PRKAR1B: variants seen among roughly 807,000 people sequenced by gnomAD.
PRKAR1B encodes cAMP-dependent protein kinase type I-beta regulatory subunit.
In PRKAR1B, 22 loss-of-function variants were observed where a neutral mutation model predicts 46.5. The observed-to-expected ratio is 0.47, with a 90% CI of 0.34 to 0.68. PRKAR1B has a LOEUF of 0.68. Ranked by LOEUF, PRKAR1B falls within the 30% of genes least tolerant of loss-of-function variation. The probability of loss-of-function intolerance (pLI) is 0.01; values close to 1 mark genes in which losing one functional copy is unlikely to be tolerated. For synonymous variants in PRKAR1B, 259 were observed against 217.7 expected, an observed-to-expected ratio of 1.19 and a Z score of -1.67; for missense variants, 445 against 535.6, an observed-to-expected ratio of 0.83 and a Z score of 1.67.
At chr7:561,991 C>T (rs1778831842) in intron 9 of PRKAR1B, 1 of 152,396 alleles carries the variant, frequency 6.6e-6, no homozygotes, top group Non-Finnish European at 1.5e-5. Context: ...GGGACCTACG[C>T]AGCTGCCATG....
In PRKAR1B at chr7:714,354, C is replaced by T. The variant is rs563737250; in HGVS notation, c.-22-2827G>A. ...TGATCCCGAGGCGCACACACAAGCC[C>T]TCCTTCTGCTGCAATACCTCCTCAG... On this transcript the variant is annotated intron_variant, in intron 1 of 10. Coordinates refer to ENST00000537384, the MANE Select transcript of PRKAR1B (RefSeq NM_001164760.2). The surrounding 1 kb of genome is among the most constrained non-coding windows in gnomAD (Gnocchi z 4.3). Among the ~76,000 whole-genome samples, 4 of 152,332 alleles carry T rather than the reference C, an allele frequency of 2.6e-5. No individual in the cohort carries two copies. The East Asian group carries it at 7.7e-4, about 29-fold the overall frequency.
intron 4 of PRKAR1B, among the ~76,000 whole-genome samples, chr7:620,980 T>C (rs1239532905): frequency 5.9e-5 from 9 of 152,270 alleles, no homozygotes; most frequent in Admixed American, 2.0e-4. Context: ...ATTTATGCAA[T>C]AGTTGTTGAG....
chr7:727,863 C>T (rs1781412610), upstream of PRKAR1B, among the ~76,000 whole-genome samples: 1 of 151,060 alleles, frequency 6.6e-6, no homozygotes, highest in Non-Finnish European at 1.5e-5. Flanking sequence ...CGCTTCTGTC[C>T]AGATACCTGG....
At chr7:649,472 T>C (rs1319192731) in intron 4 of PRKAR1B, among the ~76,000 whole-genome samples, 1 of 152,242 alleles carries the variant, frequency 6.6e-6, no homozygotes, top group Non-Finnish European at 1.5e-5. Context: ...ACATTTTTGG[T>C]AAGTAATTAT....
intron 4 of PRKAR1B, among the ~76,000 whole-genome samples, chr7:636,005 C>G (rs1470191968): frequency 1.2e-5 from 1 of 85,378 alleles, no homozygotes; most frequent in Non-Finnish European, 2.4e-5. Context: ...CTCCACCGGC[C>G]GCGCCCTCAC....
intron 4 of PRKAR1B, among the ~76,000 whole-genome samples, chr7:675,352 C>T (rs1402193218): frequency 6.6e-6 from 1 of 152,252 alleles, no homozygotes. Flanking sequence ...CCTGCAAACA[C>T]ACAGGGCGGC....
chr7:577,873 G>A (rs567619376), intron 9 of PRKAR1B, among the ~76,000 whole-genome samples: 18 of 152,334 alleles, frequency 1.2e-4, no homozygotes, highest in East Asian at 3.9e-4. Context: ...GCTCGGAGCC[G>A]CTCCCGCTAG....
chr7:593,083 G>T lies in PRKAR1B; in HGVS notation c.708+3063C>A, dbSNP rs955198279. Among the ~76,000 whole-genome samples, 1 of 152,164 alleles carries T rather than the reference G, an allele frequency of 6.6e-6. No individual in the cohort carries two copies. The highest frequency in any genetic ancestry group is 2.4e-5 in the African/African-American group (1 of 41,428). ...GTAAGAAAGAAAAAGCAAGTCTGGGGAGTGCTGGCCCCGGGCTGGGCCCCT... is the reference window on the plus strand; with the variant it reads ...GTAAGAAAGAAAAAGCAAGTCTGGGTAGTGCTGGCCCCGGGCTGGGCCCCT... On this transcript the variant is annotated intron_variant, in intron 7 of 10. Transcript: ENST00000537384. The surrounding 1 kb of genome is among the most constrained non-coding windows in gnomAD (Gnocchi z 6.1).
chr7:635,981 C>T (rs1313285687), intron 4 of PRKAR1B, among the ~76,000 whole-genome samples: 3 of 108,356 alleles, frequency 2.8e-5, no homozygotes, highest in African/African-American at 1.0e-4. Flanking sequence ...CTCCACCGGC[C>T]GCGCCCTCAC....
intron 1 of PRKAR1B, among the ~76,000 whole-genome samples, chr7:717,925 A>C (rs1490071376): frequency 2.0e-5 from 3 of 152,006 alleles, no homozygotes; most frequent in Non-Finnish European, 2.9e-5. Flanking sequence ...AAAGGTGAGG[A>C]GTGAGCATCA....
Position 726,748 on chromosome 7 carries a change from G to C in PRKAR1B, c.-23+462C>G, listed in dbSNP as rs577934097. ...GGCGGCGCTGGGGGTGGCGGAGGCC[G>C]TGGCGGCCCCACACCCGGCTGAGGG... is the stretch of plus-strand genomic sequence containing the variant. On this transcript the variant is annotated intron_variant, in intron 1 of 10. Coordinates refer to ENST00000537384, the MANE Select transcript of PRKAR1B (RefSeq NM_001164760.2). 6.9e-5 allele frequency: 86 copies of C among 1,245,878 alleles called. No individual in the cohort carries two copies. The highest frequency in any genetic ancestry group is 7.8e-5 in the Non-Finnish European group (78 of 996,412). The allele number at this position is 1,245,878 out of a possible 1,614,324, so 77.2% of individuals were successfully genotyped here. A position where few individuals can be genotyped will look rare whatever the true frequency, so the allele number is the denominator to read the frequency against.
At chr7:612,420 G>C (rs1782573754) in intron 4 of PRKAR1B, among the ~76,000 whole-genome samples, 1 of 151,846 alleles carries the variant, frequency 6.6e-6, no homozygotes, top group East Asian at 1.9e-4. Context: ...ACAGGTGGGT[G>C]GATGAACAGG....
chr7:596,432 C>G (rs1309482198), intron 6 of PRKAR1B, 128 bp from the exon 7 acceptor site: 33 of 1,145,950 alleles, frequency 2.9e-5, no homozygotes, highest in Non-Finnish European at 4.0e-5. Context: ...CAAGCCCTTT[C>G]GCTTGTGGGC....
intron 9 of PRKAR1B, among the ~76,000 whole-genome samples, chr7:572,783 G>A (rs1181645012): frequency 2.0e-5 from 3 of 152,174 alleles, no homozygotes; most frequent in African/African-American, 7.2e-5. Context: ...GGAGCTCCGT[G>A]GCCCTACAGG....
chr7:583,490 T>TGCACTCACACCCACGCACACAC (rs1780364881), intron 8 of PRKAR1B, among the ~76,000 whole-genome samples: 11 of 92,998 alleles, frequency 1.2e-4, no homozygotes, highest in African/African-American at 4.2e-4. Context: ...CGCACACACG[T>TGCACTCACACCCACGCACACAC]GTGTGCACAC....
At chr7:622,964 C>A (rs991264067) in intron 4 of PRKAR1B, among the ~76,000 whole-genome samples, 1 of 152,140 alleles carries the variant, frequency 6.6e-6, no homozygotes, top group Non-Finnish European at 1.5e-5. Flanking sequence ...CGGATTTAAA[C>A]CTTAGGTCAA....
intron 4 of PRKAR1B, among the ~76,000 whole-genome samples, chr7:656,191 T>C (rs1249695646): frequency 1.3e-5 from 2 of 152,048 alleles, no homozygotes; most frequent in Non-Finnish European, 2.9e-5. Context: ...GGTGAATGAA[T>C]GAATGGAAAA....
At chr7:698,545 T>C (rs185996559) in intron 2 of PRKAR1B, among the ~76,000 whole-genome samples, 197 of 152,130 alleles carry the variant, frequency 1.3e-3, no homozygotes, top group Admixed American at 0.013. Context: ...CATGTACATA[T>C]CCAACTAAGT....
chr7:690,437 C>A (rs768497788), intron 2 of PRKAR1B, among the ~76,000 whole-genome samples: 1 of 151,880 alleles, frequency 6.6e-6, no homozygotes, highest in Non-Finnish European at 1.5e-5. Flanking sequence ...AACCTGCACA[C>A]GTACCCCCAA....
Sources: gnomAD v4.1 joint callset for allele counts (sites outside exome capture counted in the v4.1 genomes callset) on GRCh38, gnomAD v4.1.1 for gene constraint, Gnocchi (gnomAD v3.1) non-coding constraint, MANE v1.5 for transcripts, NCBI Gene and HGNC (gene_info 2026-07-23, HGNC 2026-07-21) for gene names.